Variants in MACROD2 observed in about 807,000 individuals in gnomAD.
MACROD2 encodes ADP-ribose glycohydrolase MACROD2.
A neutral mutation model predicts 70.4 loss-of-function variants in MACROD2; 36 were observed. That is an observed-to-expected ratio of 0.51 (90% CI 0.39 to 0.68). MACROD2 has a LOEUF of 0.68. MACROD2 is among the 30% of genes least tolerant of loss of function. The pLI is 0.00. For synonymous variants in MACROD2, 172 were observed against 178.8 expected (o/e 0.96, Z 0.30); for missense variants, 496 against 538.4 (o/e 0.92, Z 0.78).
chr20:15,275,473 C>T (rs904080491), intron 6 of MACROD2, among the ~76,000 whole-genome samples: 3 of 152,214 alleles, frequency 2.0e-5, no homozygotes, highest in Admixed American at 6.5e-5. Flanking sequence ...TCTAACAAAT[C>T]TTGCTGTGCA....
chr20:15,700,249 G>A (rs1163835754), intron 8 of MACROD2, among the ~76,000 whole-genome samples: 3 of 152,172 alleles, frequency 2.0e-5, no homozygotes, highest in African/African-American at 7.2e-5. Flanking sequence ...CTGCAATCTG[G>A]TCTTGCCTCC....
intron 3 of MACROD2, among the ~76,000 whole-genome samples, chr20:14,460,188 G>A (rs1043903670): frequency 7.2e-5 from 11 of 152,136 alleles, no homozygotes; most frequent in South Asian, 2.1e-4. Context: ...ATAAACATAC[G>A]TGTGCATGTG....
At chr20:15,334,320 AG>A (rs146054053) in intron 6 of MACROD2, among the ~76,000 whole-genome samples, 58,373 of 151,316 alleles carry the variant, frequency 0.39, 11,854 homozygotes, top group East Asian at 0.61. Flanking sequence ...GCCAATAAGA[AG>A]AGCATTTTGA....
chr20:15,754,363 C>T (rs1400989357), intron 8 of MACROD2, among the ~76,000 whole-genome samples: 3 of 152,160 alleles, frequency 2.0e-5, no homozygotes, highest in African/African-American at 7.2e-5. Flanking sequence ...TGGCTCACGC[C>T]CGTAATCTCA....
At chr20:15,289,003 T>A (rs1177952238) in intron 6 of MACROD2, among the ~76,000 whole-genome samples, 2 of 152,110 alleles carry the variant, frequency 1.3e-5, no homozygotes, top group Non-Finnish European at 2.9e-5. Flanking sequence ...AAGGGTCTGG[T>A]TGGTCCAACT....
chr20:15,234,752 G>A (rs2076998824), intron 6 of MACROD2, among the ~76,000 whole-genome samples: 1 of 152,116 alleles, frequency 6.6e-6, no homozygotes, highest in Non-Finnish European at 1.5e-5. Context: ...AAATCTCGGG[G>A]TGAGCGTAGG....
At chr20:15,116,299 A>G (rs6043099) in intron 5 of MACROD2, among the ~76,000 whole-genome samples, 1 of 152,074 alleles carries the variant, frequency 6.6e-6, no homozygotes, top group African/African-American at 2.4e-5. Context: ...CCTACTCAAC[A>G]TGAAGACCAT....
At chr20:14,414,417 G>T (rs778673707) in intron 3 of MACROD2, among the ~76,000 whole-genome samples, 13 of 152,006 alleles carry the variant, frequency 8.6e-5, no homozygotes, top group Non-Finnish European at 1.8e-4. Context: ...GAATACTTCT[G>T]CCTGCCTCCA....
At chr20:14,724,963 A>C (rs2071511078) in intron 5 of MACROD2, among the ~76,000 whole-genome samples, 1 of 152,190 alleles carries the variant, frequency 6.6e-6, no homozygotes, top group African/African-American at 2.4e-5. Flanking sequence ...AATAGCCCAG[A>C]TGAGAAATAG....
intron 8 of MACROD2, among the ~76,000 whole-genome samples, chr20:15,679,162 G>T (rs1179419227): frequency 1.3e-5 from 2 of 151,826 alleles, no homozygotes; most frequent in East Asian, 3.9e-4. Context: ...GCTGGAACCT[G>T]GGAGGTGGAG....
chr20:14,078,451 G>T (rs899291306), intron 2 of MACROD2, among the ~76,000 whole-genome samples: 1 of 151,806 alleles, frequency 6.6e-6, no homozygotes, highest in African/African-American at 2.4e-5. Flanking sequence ...TTATCCCCCA[G>T]GCTGGAGTAC....
At chr20:15,972,060 A>G (rs1046473173) in intron 13 of MACROD2, among the ~76,000 whole-genome samples, 5 of 152,224 alleles carry the variant, frequency 3.3e-5, no homozygotes, top group Non-Finnish European at 5.9e-5. Flanking sequence ...CAAGGAATTC[A>G]AAACACAGTG....
At chr20:15,436,411 CACA>C (rs10583360) in intron 7 of MACROD2, among the ~76,000 whole-genome samples, 8,164 of 152,050 alleles carry the variant, frequency 0.054, 693 homozygotes, top group African/African-American at 0.18. Context: ...CATTAACTAT[CACA>C]ACAACAGCAA....
In MACROD2 at chr20:14,536,158, A is replaced by G. The variant is rs138723371; in HGVS notation, c.301+42650A>G. On this transcript the variant is annotated intron_variant, in intron 4 of 17. Coordinates refer to ENST00000684519, the MANE Select transcript of MACROD2 (RefSeq NM_001351661.2). ...ACAAAGAACTTTCCCCTGATACCCA[A>G]CAACATATATGTGTATATATATATG... Among the ~76,000 whole-genome samples the G allele has an allele frequency of 1.0e-2, 1,516 of 152,294 alleles. 32 individuals are homozygous for G. The highest frequency in any genetic ancestry group is 0.035 in the African/African-American group (1,445 of 41,558).
chr20:14,680,089 T>C (rs1221324914), intron 4 of MACROD2, among the ~76,000 whole-genome samples: 1 of 152,172 alleles, frequency 6.6e-6, no homozygotes, highest in Non-Finnish European at 1.5e-5. Context: ...AAGCAATAGT[T>C]ATTCACATGG....
chr20:14,055,314 T>C (rs1248700127), intron 2 of MACROD2, among the ~76,000 whole-genome samples: 2 of 152,260 alleles, frequency 1.3e-5, no homozygotes, highest in East Asian at 3.9e-4. Context: ...ATTCATAGTC[T>C]TTGCAATGCC....
intron 5 of MACROD2, among the ~76,000 whole-genome samples, chr20:15,032,920 T>G (rs1424016640): frequency 2.0e-5 from 3 of 152,232 alleles, no homozygotes; most frequent in African/African-American, 7.2e-5. Context: ...TTCTGTTATA[T>G]GCCATGGATG....
intron 8 of MACROD2, among the ~76,000 whole-genome samples, chr20:15,805,047 C>T (rs1179394789): frequency 2.6e-5 from 4 of 152,212 alleles, no homozygotes; most frequent in Non-Finnish European, 4.4e-5. Flanking sequence ...ACTCCCTTCT[C>T]TATCTCACTT....
intron 3 of MACROD2, among the ~76,000 whole-genome samples, chr20:14,427,113 C>G (rs1222254578): frequency 6.6e-6 from 1 of 151,888 alleles, no homozygotes; most frequent in Non-Finnish European, 1.5e-5. Context: ...CCCCTCATTC[C>G]TCTCCAATTA....
Sources: gnomAD v4.1 joint callset for allele counts (sites outside exome capture counted in the v4.1 genomes callset) on GRCh38, gnomAD v4.1.1 for gene constraint, MANE v1.5 for transcripts, NCBI Gene and HGNC (gene_info 2026-07-23, HGNC 2026-07-21) for gene names.